The following HLA-DQA1 variants were observed in gnomAD, a reference collection of about 807,000 sequenced individuals.
HLA-DQA1 encodes major histocompatibility complex, class II, DQ alpha 1.
HLA-DQA1 carries 10 observed loss-of-function variants against 20.7 expected under a neutral mutation model. That is an observed-to-expected ratio of 0.48 (90% CI 0.30 to 0.82). HLA-DQA1 has a LOEUF of 0.82. Ranked by LOEUF, HLA-DQA1 falls within the 40% of genes least tolerant of loss-of-function variation. The probability of loss-of-function intolerance (pLI) is 0.07; values close to 1 mark genes in which losing one functional copy is unlikely to be tolerated. For synonymous variants in HLA-DQA1, 39 were observed against 109.2 expected (o/e 0.36, Z 4.01); for missense variants, 127 against 293.0 (o/e 0.43, Z 4.14).
downstream of HLA-DQA1, chr6:32,643,889 G>T (rs991001830): frequency 2.8e-5 from 4 of 141,354 alleles, no homozygotes; most frequent in Middle Eastern, 4.0e-3. Flanking sequence ...AGAAGCCACA[G>T]ACATATCTAG....
In HLA-DQA1 at chr6:32,642,625, C is replaced by T. The variant is rs368763112; in HGVS notation, c.629C>T (p.Ala210Val). The T allele has an allele frequency of 3.8e-5, 52 of 1,371,420 alleles. 10 individuals are homozygous for T. The African/African-American group carries it at 7.9e-4, about 21-fold the overall frequency. 85.0% of individuals were successfully genotyped at this position (1,371,420 alleles called of 1,614,324 possible). Residue 210 changes from alanine to valine, a missense_variant, in exon 4 of 5, where the codon GCC (alanine) becomes GTC (valine). Around this residue, in one of 4 missense-constraint regions of HLA-DQA1, gnomAD observed 46 missense variants for 152.1 expected, o/e 0.30. Coordinates refer to ENST00000343139, the MANE Select transcript of HLA-DQA1 (RefSeq NM_002122.5). The stretch of plus-strand genomic sequence containing the variant: ...ACTTCCACAGAGCCTGAGATTCCAG[C>T]CCCTATGTCAGAGCTCACAGAGACT... ...LLKHWEPEIP[A>V]PMSELTETVV... is the part of the protein sequence containing the mutation.
At position 32,639,935 on chromosome 6, in the gene HLA-DQA1, A is replaced by G. The variant is rs1212785612; in HGVS notation, c.83-1375A>G. The G allele has an allele frequency of 2.2e-5, 2 of 92,206 alleles. 1 individual carries two copies. The highest frequency in any genetic ancestry group is 4.8e-5 in the Non-Finnish European group (2 of 41,474). 5.7% of individuals were successfully genotyped at this position (92,206 alleles called of 1,614,324 possible). ...GCTGGAAGAGGAACAGACAACTTGG[A>G]CAGCCAGATGTTGAGACGGAGGGGT... is the stretch of plus-strand genomic sequence containing the variant. On this transcript the variant is annotated intron_variant, in intron 1 of 4. Transcript: ENST00000343139.
intron 1 of HLA-DQA1, chr6:32,638,839 A>T (rs41268938): frequency 0.092 from 15,955 of 173,726 alleles, 1,887 homozygotes; most frequent in East Asian, 0.18. Flanking sequence ...TTGGTCTCTT[A>T]CTCTCCTCTG....
At chr6:32,653,084 A>T in the HLA-DQA1 span, among the ~76,000 whole-genome samples, 1 of 132,902 alleles carries the variant, frequency 7.5e-6, no homozygotes. Flanking sequence ...AGGCAATTCC[A>T]GGGGATGGCT....
At chr6:32,654,406 C>T in the HLA-DQA1 span, among the ~76,000 whole-genome samples, 1 of 123,158 alleles carries the variant, frequency 8.1e-6, no homozygotes, top group Non-Finnish European at 1.8e-5. Flanking sequence ...TTCTCAGCAT[C>T]CATGAGAGAT....
Position 32,643,523 on chromosome 6 carries a change from CCG to C in HLA-DQA1, c.*593_*594del, listed in dbSNP as rs373235196. On this transcript the variant is annotated 3_prime_UTR_variant, in exon 5 of 5. Coordinates refer to ENST00000343139, the MANE Select transcript of HLA-DQA1 (RefSeq NM_002122.5). ...CAGGCAACAATGAAATTAATGGATACCGTCTGCCCTTGGCCCAGAATTGTTAT... is the reference window on the plus strand; with the variant it reads ...CAGGCAACAATGAAATTAATGGATACTCTGCCCTTGGCCCAGAATTGTTAT... 5.9e-6 allele frequency: 1 copy of C among 169,200 alleles called. No individual in the cohort carries two copies. Among genetic ancestry groups the C allele is most frequent in the Non-Finnish European group, 1.2e-5 (1 of 80,288 alleles). The allele number at this position is 169,200 out of a possible 1,614,324, so 10.5% of individuals were successfully genotyped here. A position where few individuals can be genotyped will look rare whatever the true frequency, so the allele number is the denominator to read the frequency against.
chr6:32,652,506 C>T, the HLA-DQA1 span, among the ~76,000 whole-genome samples: 73,126 of 147,426 alleles, frequency 0.5, 18,842 homozygotes, highest in Middle Eastern at 0.67. Flanking sequence ...AGGGATCCTA[C>T]TATAGCAGTT....
Position 32,642,199 on chromosome 6 carries a change from T to G in HLA-DQA1, c.559T>G (p.Tyr187Asp), listed in dbSNP as rs1781476565. 7.2e-7 allele frequency: 1 copy of G among 1,393,834 alleles called. No individual in the cohort carries two copies. Among genetic ancestry groups the G allele is most frequent in the Non-Finnish European group, 9.9e-7 (1 of 1,010,010 alleles). The allele number at this position is 1,393,834 out of a possible 1,614,324, so 86.3% of individuals were successfully genotyped here. A position where few individuals can be genotyped will look rare whatever the true frequency, so the allele number is the denominator to read the frequency against. Residue 187 changes from tyrosine to aspartate, a missense_variant, in exon 3 of 5, where the codon TAT (tyrosine) becomes GAT (aspartate). Tyr to Asp is a radical substitution (Grantham distance 160, BLOSUM62 -3). This residue lies in a region of HLA-DQA1 where 46 missense variants were observed against 152.1 expected (regional missense o/e 0.30). Transcript: ENST00000343139. ...LTFLPSADEI[Y>D]DCKVEHWGLD... ...CTTCCTCCCTTCTGCTGATGAGATTTATGACTGCAAGGTGGAGCACTGGGG... is the reference window on the plus strand; with the variant it reads ...CTTCCTCCCTTCTGCTGATGAGATTGATGACTGCAAGGTGGAGCACTGGGG...
downstream of HLA-DQA1, chr6:32,645,860 G>GTA (rs1356435007): frequency 3.7e-4 from 28 of 75,388 alleles, 12 homozygotes; most frequent in Non-Finnish European, 6.7e-4. Flanking sequence ...GTGTGCATTT[G>GTA]TGTGTGTGTG....
downstream of HLA-DQA1, among the ~76,000 whole-genome samples, chr6:32,651,170 A>G (rs1782166486): frequency 1.3e-5 from 1 of 78,140 alleles, no homozygotes; most frequent in African/African-American, 4.5e-5. Flanking sequence ...TACAGGCCTG[A>G]GCCACCACAC....
rs750209003 is a variant in HLA-DQA1, at chr6:32,642,042, T to G, written c.402T>G (p.Leu134=). 56 of 1,445,106 alleles carry G rather than the reference T, an allele frequency of 3.9e-5. 3 individuals are homozygous for G. Among genetic ancestry groups the G allele is most frequent in the Non-Finnish European group, 4.9e-5 (52 of 1,057,612 alleles). The allele number at this position is 1,445,106 out of a possible 1,614,324, so 89.5% of individuals were successfully genotyped here. The part of the protein sequence containing the change: ...TLGQPNTLIC[L]VDNIFPPVVN... ...GTCAGCCCAACACCCTCATTTGTCT[T>G]GTGGACAACATCTTTCCTCCTGTGG... Residue 134 remains leucine (L), a synonymous_variant, in exon 3 of 5, where the codon CTT becomes CTG. Coordinates refer to ENST00000343139, the MANE Select transcript of HLA-DQA1 (RefSeq NM_002122.5).
downstream of HLA-DQA1, among the ~76,000 whole-genome samples, chr6:32,650,234 T>G (rs1782127007): frequency 1.0e-5 from 1 of 97,014 alleles, no homozygotes; most frequent in Non-Finnish European, 2.3e-5. Flanking sequence ...TAGGAATGCT[T>G]TTACACTGTT....
chr6:32,654,842 C>G, the HLA-DQA1 span, among the ~76,000 whole-genome samples: 2 of 94,092 alleles, frequency 2.1e-5, 1 homozygote. Flanking sequence ...CATGGTGAAA[C>G]CCTGTCTCGG....
chr6:32,649,458 A>G (rs1487267790), downstream of HLA-DQA1, among the ~76,000 whole-genome samples: 34 of 97,286 alleles, frequency 3.5e-4, 13 homozygotes, highest in Admixed American at 1.7e-3. Flanking sequence ...TACAGTAACC[A>G]AAACAGCATG....
chr6:32,650,890 A>C (rs1782154802), downstream of HLA-DQA1, among the ~76,000 whole-genome samples: 1 of 39,750 alleles, frequency 2.5e-5, no homozygotes, highest in Non-Finnish European at 5.4e-5. Flanking sequence ...AATAATAATA[A>C]AGAATTCTTT....
chr6:32,651,860 A>G (rs1468781620), downstream of HLA-DQA1, among the ~76,000 whole-genome samples: 1 of 96,540 alleles, frequency 1.0e-5, no homozygotes, highest in African/African-American at 3.5e-5. Context: ...CAAGGGTTAA[A>G]GAAACATCAT....
At chr6:32,653,743 C>T in the HLA-DQA1 span, among the ~76,000 whole-genome samples, 96 of 98,538 alleles carry the variant, frequency 9.7e-4, 2 homozygotes, top group East Asian at 1.6e-3. Flanking sequence ...TGGAATCAAC[C>T]TAAGTGTCCA....
intron 1 of HLA-DQA1, chr6:32,639,371 AAG>A (rs879463010): frequency 0.23 from 22,986 of 102,018 alleles, 5,232 homozygotes; most frequent in East Asian, 0.3. Context: ...TTTGTGGAGG[AAG>A]AGGCCCATAC....
chr6:32,639,222 A>G (rs1407855188), intron 1 of HLA-DQA1: 2 of 128,998 alleles, frequency 1.6e-5, no homozygotes, highest in African/African-American at 6.3e-5. Flanking sequence ...CTGTAAAGCC[A>G]CATGAGAAGG....
Sources: allele counts gnomAD v4.1 joint callset (sites outside exome capture counted in the v4.1 genomes callset), GRCh38; gene constraint gnomAD v4.1.1; regional missense constraint gnomAD v4.1.1; transcripts MANE v1.5; gene names NCBI Gene and HGNC (gene_info 2026-07-23, HGNC 2026-07-21).